EDA: variants seen among roughly 807,000 people sequenced by gnomAD.
EDA encodes ectodysplasin A, also known as ectodysplasin-A.
In EDA, 2 loss-of-function variants were observed where a neutral mutation model predicts 23.6. The ratio of observed to expected loss-of-function variants is 0.08; its 90% CI spans 0.03 to 0.27. The LOEUF (loss-of-function observed/expected upper bound fraction) is 0.27. EDA is among the 10% of genes least tolerant of loss of function. The pLI is 1.00. For synonymous variants in EDA, 131 were observed against 132.0 expected (o/e 0.99, Z 0.05); for missense variants, 229 against 324.2 (o/e 0.71, Z 2.26).
chrX:69,944,085 G>A (rs901874585), intron 1 of EDA, among the ~76,000 whole-genome samples: 1 of 110,617 alleles, frequency 9.0e-6, no homozygotes, highest in Non-Finnish European at 1.9e-5. Flanking sequence ...GCTCCCCTCT[G>A]GCCCAGGACA....
At position 69,957,139 on chromosome X, in the gene EDA, C is replaced by T. The variant is rs778662004; in HGVS notation, c.502+7C>T. On this transcript the variant is annotated splice_region_variant and intron_variant, in intron 2 of 7. Coordinates refer to ENST00000374552, the MANE Select transcript of EDA (RefSeq NM_001399.5). ...AGCAATGAAGGAGCAGATGGTAAGT[C>T]TACTCAGTTGATCCTTTATCACTTC... The T allele has an allele frequency of 8.4e-7, 1 of 1,184,642 alleles. No homozygotes were observed. Among genetic ancestry groups the T allele is most frequent in the Non-Finnish European group, 1.1e-6 (1 of 870,773 alleles).
At chrX:69,786,871 G>A (rs2015203859) in intron 1 of EDA, among the ~76,000 whole-genome samples, 1 of 109,026 alleles carries the variant, frequency 9.2e-6, no homozygotes, top group South Asian at 4.0e-4. Flanking sequence ...TCATTGATCT[G>A]TCTGATGTTG....
chrX:69,847,217 C>G (rs754727144), intron 1 of EDA, among the ~76,000 whole-genome samples: 57 of 111,518 alleles, frequency 5.1e-4, no homozygotes, highest in African/African-American at 1.8e-3. Flanking sequence ...GTATCTGCTC[C>G]TCAGTGGCCT....
At chrX:69,892,746 G>A (rs902125463) in intron 1 of EDA, among the ~76,000 whole-genome samples, 2 of 111,626 alleles carry the variant, frequency 1.8e-5, no homozygotes, top group Admixed American at 9.6e-5. Context: ...GCAATCCTGG[G>A]CCTGCATTCT....
intron 1 of EDA, among the ~76,000 whole-genome samples, chrX:69,659,702 T>C (rs977838879): frequency 9.0e-6 from 1 of 111,720 alleles, no homozygotes; most frequent in Non-Finnish European, 1.9e-5. Flanking sequence ...AGGGATCTAT[T>C]TGTAGTAATA....
chrX:69,667,156 C>T (rs1301180839), intron 1 of EDA, among the ~76,000 whole-genome samples: 5 of 91,248 alleles, frequency 5.5e-5, no homozygotes, highest in African/African-American at 8.6e-5. Context: ...CTCGCTCTGT[C>T]GCCCAGGCTG....
chrX:70,024,780 C>T (rs1437765746), intron 3 of EDA, among the ~76,000 whole-genome samples: 2 of 112,295 alleles, frequency 1.8e-5, no homozygotes, highest in Non-Finnish European at 3.8e-5. Flanking sequence ...CATTCACTCA[C>T]TTTTGGTTGT....
intron 1 of EDA, among the ~76,000 whole-genome samples, chrX:69,920,228 A>G (rs975930047): frequency 5.4e-5 from 6 of 111,039 alleles, no homozygotes; most frequent in Non-Finnish European, 9.4e-5. Context: ...TAAACGTTTA[A>G]TGTTATAATA....
intron 1 of EDA, among the ~76,000 whole-genome samples, chrX:69,908,280 T>A (rs2018208162): frequency 9.0e-6 from 1 of 110,794 alleles, no homozygotes; most frequent in Non-Finnish European, 1.9e-5. Flanking sequence ...TCCAGTAAGA[T>A]AATTAATCCT....
intron 1 of EDA, among the ~76,000 whole-genome samples, chrX:69,822,699 T>A (rs1462057909): frequency 9.0e-6 from 1 of 111,325 alleles, no homozygotes; most frequent in African/African-American, 3.3e-5. Context: ...TTTTTTAATT[T>A]ATTTATTATT....
At position 69,881,475 on chromosome X, in the gene EDA, T is replaced by G. The variant is rs778978170; in HGVS notation, c.397-75552T>G. 4.5e-5 allele frequency among the ~76,000 whole-genome samples: 5 copies of G among 111,266 alleles called. No individual in the cohort carries two copies. In the East Asian group the frequency reaches 1.1e-3, roughly 25 times the overall value. On this transcript the variant is annotated intron_variant, in intron 1 of 7. Coordinates refer to ENST00000374552, the MANE Select transcript of EDA (RefSeq NM_001399.5). ...AAATTTGAATACCTCAGAAGTGATT[T>G]GGTCACCAGTTCAGTCCTCACCAAC...
At chrX:69,648,854 C>A (rs1398088208) in intron 1 of EDA, among the ~76,000 whole-genome samples, 1 of 111,701 alleles carries the variant, frequency 9.0e-6, no homozygotes, top group Non-Finnish European at 1.9e-5. Flanking sequence ...AGACTCCACA[C>A]AGCTCTGTGT....
chrX:69,804,828 A>C (rs188980127), intron 1 of EDA, among the ~76,000 whole-genome samples: 1 of 111,906 alleles, frequency 8.9e-6, no homozygotes, highest in Admixed American at 9.5e-5. Flanking sequence ...ATTGTTTAAT[A>C]AGTTTACAAT....
intron 1 of EDA, among the ~76,000 whole-genome samples, chrX:69,744,412 G>A (rs1263875667): frequency 3.6e-5 from 4 of 111,768 alleles, no homozygotes; most frequent in Non-Finnish European, 7.5e-5. Flanking sequence ...TTTCCCATAG[G>A]GGTTATCATT....
chrX:69,785,419 G>C (rs1602404004), intron 1 of EDA, among the ~76,000 whole-genome samples: 1 of 97,757 alleles, frequency 1.0e-5, no homozygotes, highest in East Asian at 2.9e-4. Flanking sequence ...GTTTGATATT[G>C]GCTGTGGGTT....
intron 1 of EDA, chrX:69,860,862 C>G: frequency 1.9e-6 from 1 of 524,989 alleles, no homozygotes; most frequent in Non-Finnish European, 3.5e-6. Context: ...TTCAGGGACA[C>G]CAATGAGTTG....
intron 1 of EDA, among the ~76,000 whole-genome samples, chrX:69,899,190 T>TTGC (rs1041914586): frequency 8.9e-6 from 1 of 112,059 alleles, no homozygotes; most frequent in Non-Finnish European, 1.9e-5. Flanking sequence ...TCCAGCACTA[T>TTGC]TGCTTATCAT....
intron 1 of EDA, among the ~76,000 whole-genome samples, chrX:69,860,555 T>C (rs1304830430): frequency 9.0e-6 from 1 of 111,621 alleles, no homozygotes; most frequent in African/African-American, 3.3e-5. Context: ...AATATTGGCT[T>C]CCAATCTCTT....
chrX:69,760,403 C>T (rs1211092464), intron 1 of EDA, among the ~76,000 whole-genome samples: 1 of 111,195 alleles, frequency 9.0e-6, no homozygotes, highest in African/African-American at 3.3e-5. Context: ...TACAACTTCT[C>T]ATAGTAAATG....
Sources: allele counts gnomAD v4.1 joint callset (sites outside exome capture counted in the v4.1 genomes callset), GRCh38; gene constraint gnomAD v4.1.1; transcripts MANE v1.5; gene names NCBI Gene and HGNC (gene_info 2026-07-23, HGNC 2026-07-21).